The following SORCS2 variants were observed in gnomAD, a reference collection of about 807,000 sequenced individuals.
The protein encoded by SORCS2 is VPS10 domain-containing receptor SorCS2.
In SORCS2, 100 loss-of-function variants were observed where a neutral mutation model predicts 141.6. The observed-to-expected ratio is 0.71, with a 90% CI of 0.60 to 0.83. The LOEUF is 0.83. SORCS2 is among the 40% of genes least tolerant of loss of function. The pLI is 0.00. For missense variants in SORCS2, 1,646 were observed against 1,560.2 expected (o/e 1.05, Z -0.93); for synonymous variants, 789 against 676.9 (o/e 1.17, Z -2.57).
At chr4:7,342,027 A>T (rs1186763362) in intron 1 of SORCS2, among the ~76,000 whole-genome samples, 2 of 152,216 alleles carry the variant, frequency 1.3e-5, no homozygotes, top group African/African-American at 4.8e-5. Flanking sequence ...ATGTGTCAAT[A>T]CCCCATTCCT....
chr4:7,732,183 A>G lies in SORCS2; in HGVS notation c.3109-1139A>G, dbSNP rs561863859. On this transcript the variant is annotated intron_variant, in intron 23 of 26. Coordinates refer to ENST00000507866, the MANE Select transcript of SORCS2 (RefSeq NM_020777.3). ...GGAGACACACAAATGGCCAACAGGT[A>G]TGTGGAAAACATGCTCACCATCTCG... Among the ~76,000 whole-genome samples, 5 of 152,356 alleles carry G rather than the reference A, an allele frequency of 3.3e-5. No individual in the cohort carries two copies. In the South Asian group the frequency reaches 8.3e-4, roughly 25 times the overall value.
intron 12 of SORCS2, among the ~76,000 whole-genome samples, chr4:7,701,021 C>T (rs757249): frequency 0.4 from 61,376 of 152,126 alleles, 12,651 homozygotes; most frequent in Non-Finnish European, 0.44. Context: ...GTGTGCAGCA[C>T]GCCTCACGGC....
chr4:7,400,092 C>G (rs1387006971), intron 2 of SORCS2, among the ~76,000 whole-genome samples: 1 of 152,178 alleles, frequency 6.6e-6, no homozygotes, highest in Non-Finnish European at 1.5e-5. Context: ...GGTTTAAAAT[C>G]CTTCCAGGGT....
intron 1 of SORCS2, among the ~76,000 whole-genome samples, chr4:7,341,726 C>T (rs1401632246): frequency 2.0e-5 from 3 of 152,174 alleles, no homozygotes; most frequent in Non-Finnish European, 4.4e-5. Flanking sequence ...AGCATACAAT[C>T]GATCATTTTG....
At chr4:7,350,557 T>G (rs1720880764) in intron 1 of SORCS2, among the ~76,000 whole-genome samples, 1 of 152,134 alleles carries the variant, frequency 6.6e-6, no homozygotes, top group South Asian at 2.1e-4. Context: ...TGGGGTGTGC[T>G]GGCTGCTGGG....
At chr4:7,425,903 G>A (rs1287667424) in intron 2 of SORCS2, among the ~76,000 whole-genome samples, 1 of 152,170 alleles carries the variant, frequency 6.6e-6, no homozygotes, top group Non-Finnish European at 1.5e-5. Flanking sequence ...CGCTCTCTGA[G>A]CTTGTGCCCC....
intron 2 of SORCS2, among the ~76,000 whole-genome samples, chr4:7,496,673 C>G (rs1484235651): frequency 2.0e-5 from 3 of 151,950 alleles, no homozygotes; most frequent in Non-Finnish European, 4.4e-5. Flanking sequence ...AAATTTATAG[C>G]AGGGATTCAT....
Position 7,648,276 on chromosome 4 carries a change from C to T in SORCS2, c.814-5858C>T, listed in dbSNP as rs1254536733. On this transcript the variant is annotated intron_variant, in intron 4 of 26. Coordinates refer to ENST00000507866, the MANE Select transcript of SORCS2 (RefSeq NM_020777.3). This position sits in a 1 kb window ranked among gnomAD's most constrained non-coding sequence, Gnocchi z 4.2. ...AGGAGCCAGCTTCTGCTGGGCCCTG[C>T]TAAGTTGGGGGTGGTGCAGGGAGGA... 2.0e-5 allele frequency among the ~76,000 whole-genome samples: 3 copies of T among 151,942 alleles called. No homozygotes were observed. The highest frequency in any genetic ancestry group is 7.3e-5 in the African/African-American group (3 of 41,370).
chr4:7,704,595 T>C (rs1725298234), intron 14 of SORCS2, among the ~76,000 whole-genome samples: 1 of 152,218 alleles, frequency 6.6e-6, no homozygotes, highest in Non-Finnish European at 1.5e-5. Flanking sequence ...CAGAGCTGGC[T>C]GTGACCCTCT....
At chr4:7,473,857 G>A (rs1730129518) in intron 2 of SORCS2, among the ~76,000 whole-genome samples, 1 of 152,194 alleles carries the variant, frequency 6.6e-6, no homozygotes, top group South Asian at 2.1e-4. Flanking sequence ...GGGTCTGGGG[G>A]GAGAGGGGTT....
intron 15 of SORCS2, among the ~76,000 whole-genome samples, chr4:7,713,695 C>T (rs1218193580): frequency 6.6e-6 from 1 of 152,168 alleles, no homozygotes; most frequent in Non-Finnish European, 1.5e-5. Context: ...GCGGTGCCTG[C>T]CAAACTGCCT....
At chr4:7,398,565 A>G (rs1724369384) in intron 2 of SORCS2, among the ~76,000 whole-genome samples, 1 of 152,204 alleles carries the variant, frequency 6.6e-6, no homozygotes, top group South Asian at 2.1e-4. Context: ...TCATCTCACC[A>G]AAGTTCACCC....
rs1386393170 is a variant in SORCS2 at position 7,664,461 on chromosome 4, T to C, written c.1061T>C (p.Ile354Thr). Reference sequence around the variant, plus strand: ...TCTCTGACCGTGCAGGACGATTACATCTTCTTTAAGGTAAGGTTGCTTCTG... The same window carrying C: ...TCTCTGACCGTGCAGGACGATTACACCTTCTTTAAGGTAAGGTTGCTTCTG... Reference protein sequence around the residue: ...HGSLTVQDDYIFFKATSANQT... With the variant: ...HGSLTVQDDYTFFKATSANQT... Residue 354 changes from isoleucine (I) to threonine (T), a missense_variant, in exon 7 of 27, where the codon ATC becomes ACC. Physicochemically the swap from Ile to Thr is moderately conservative, Grantham distance 89. Coordinates refer to ENST00000507866, the MANE Select transcript of SORCS2 (RefSeq NM_020777.3). This position sits in a 1 kb window ranked among gnomAD's most constrained non-coding sequence, Gnocchi z 4.7. 1 of 1,611,822 alleles carries C rather than the reference T, an allele frequency of 6.2e-7. No individual in the cohort carries two copies. The highest frequency in any genetic ancestry group is 8.5e-7 in the Non-Finnish European group (1 of 1,178,388).
At chr4:7,253,788 G>A (rs556355061) in intron 1 of SORCS2, among the ~76,000 whole-genome samples, 2 of 152,372 alleles carry the variant, frequency 1.3e-5, no homozygotes, top group East Asian at 1.9e-4. Context: ...GAGGGTACAC[G>A]CACTGAATCC....
intron 5 of SORCS2, among the ~76,000 whole-genome samples, chr4:7,655,957 C>T (rs990711099): frequency 1.3e-5 from 2 of 152,234 alleles, no homozygotes; most frequent in Non-Finnish European, 2.9e-5. Flanking sequence ...ATTGTTTCCT[C>T]CCCCAAGTTT....
intron 19 of SORCS2, among the ~76,000 whole-genome samples, 159 bp downstream of exon 19, chr4:7,724,042 C>T (rs1200911639): frequency 2.0e-5 from 3 of 152,100 alleles, no homozygotes; most frequent in South Asian, 2.1e-4. Flanking sequence ...GGCTCAAACC[C>T]GCACCCCTGA....
intron 2 of SORCS2, among the ~76,000 whole-genome samples, chr4:7,479,660 T>C (rs7660550): frequency 0.12 from 18,307 of 152,224 alleles, 1,502 homozygotes; most frequent in African/African-American, 0.24. Flanking sequence ...TGGCAATGTT[T>C]GCATCGGGGG....
At chr4:7,340,785 C>A (rs896638264) in intron 1 of SORCS2, among the ~76,000 whole-genome samples, 10 of 152,146 alleles carry the variant, frequency 6.6e-5, no homozygotes, top group Non-Finnish European at 1.2e-4. Context: ...TTAGTGACGC[C>A]CCCTATTCCC....
At chr4:7,740,051 C>T (rs905958169) in intron 26 of SORCS2, 149 bp from the exon 27 acceptor site, 4 of 656,530 alleles carry the variant, frequency 6.1e-6, no homozygotes, top group Non-Finnish European at 1.1e-5. Flanking sequence ...CCGCGGAGAC[C>T]CCCTGCACCT....
Sources: gnomAD v4.1 joint callset for allele counts (sites outside exome capture counted in the v4.1 genomes callset) on GRCh38, gnomAD v4.1.1 for gene constraint, Gnocchi (gnomAD v3.1) non-coding constraint, MANE v1.5 for transcripts, NCBI Gene and HGNC (gene_info 2026-07-23, HGNC 2026-07-21) for gene names.